The following PKIB variants were observed in gnomAD, a reference collection of about 807,000 sequenced individuals.
The protein encoded by PKIB is PKI-beta.
In PKIB, 2 loss-of-function variants were observed where a neutral mutation model predicts 4.5. The observed-to-expected ratio is 0.44, with a 90% CI of 0.18 to 1.39. PKIB has a LOEUF of 1.39. Ranked by LOEUF, PKIB falls within the 40% of genes most tolerant of loss-of-function variation. The pLI is 0.27. For synonymous variants in PKIB, 38 were observed against 36.0 expected (o/e 1.06, Z -0.20); for missense variants, 94 against 92.6 (o/e 1.02, Z -0.06).
At chr6:122,706,585 G>C (rs192349143) in intron 3 of PKIB, among the ~76,000 whole-genome samples, 114 of 152,260 alleles carry the variant, frequency 7.5e-4, no homozygotes, top group Admixed American at 2.5e-3. Context: ...ATGGGTTCCA[G>C]TCTTGTCTCT....
intron 2 of PKIB, among the ~76,000 whole-genome samples, chr6:122,511,364 A>G (rs1193160601): frequency 6.6e-6 from 1 of 152,210 alleles, no homozygotes; most frequent in Non-Finnish European, 1.5e-5. Context: ...GCAAGCTCAA[A>G]TATGTGGTGT....
At chr6:122,702,765 G>GA (rs1390643234) in intron 3 of PKIB, among the ~76,000 whole-genome samples, 3 of 152,138 alleles carry the variant, frequency 2.0e-5, no homozygotes, top group Non-Finnish European at 4.4e-5. Context: ...ATTTTTCGTA[G>GA]AGAATTTTTT....
intron 2 of PKIB, among the ~76,000 whole-genome samples, chr6:122,516,055 A>C (rs558528804): frequency 4.7e-4 from 72 of 152,174 alleles, no homozygotes; most frequent in Non-Finnish European, 6.9e-4. Flanking sequence ...ATTTGAAGTC[A>C]ATGTCAGCTA....
At chr6:122,544,560 C>T (rs764541728) in intron 2 of PKIB, among the ~76,000 whole-genome samples, 8 of 151,976 alleles carry the variant, frequency 5.3e-5, no homozygotes, top group South Asian at 2.1e-4. Flanking sequence ...GAGATTTGGG[C>T]GTGGATATTA....
At chr6:122,698,404 G>T (rs1174448396) in intron 3 of PKIB, among the ~76,000 whole-genome samples, 2 of 152,120 alleles carry the variant, frequency 1.3e-5, no homozygotes, top group Non-Finnish European at 2.9e-5. Context: ...GATTCATGGG[G>T]GTGCTGCTCC....
intron 2 of PKIB, among the ~76,000 whole-genome samples, chr6:122,554,953 C>A (rs556941175): frequency 1.3e-5 from 2 of 152,218 alleles, no homozygotes; most frequent in Non-Finnish European, 2.9e-5. Flanking sequence ...TAAGGGGGGA[C>A]AGATAGGGAG....
intron 3 of PKIB, among the ~76,000 whole-genome samples, chr6:122,586,741 C>T (rs185178909): frequency 2.8e-4 from 43 of 152,176 alleles, no homozygotes; most frequent in Admixed American, 1.1e-3. Flanking sequence ...TATGTTTAGG[C>T]AGACAACGGA....
chr6:122,504,068 T>A (rs1189779521), intron 2 of PKIB, among the ~76,000 whole-genome samples: 1 of 152,206 alleles, frequency 6.6e-6, no homozygotes, highest in Non-Finnish European at 1.5e-5. Flanking sequence ...TATATTCATA[T>A]GCATTTTTTT....
chr6:122,589,065 T>G (rs149102756), intron 3 of PKIB, among the ~76,000 whole-genome samples: 1 of 152,254 alleles, frequency 6.6e-6, no homozygotes, highest in Non-Finnish European at 1.5e-5. Context: ...AGCACAGGAA[T>G]ATCTCTTCAA....
chr6:122,663,200 A>G (rs963558219), intron 2 of PKIB, among the ~76,000 whole-genome samples: 1 of 152,204 alleles, frequency 6.6e-6, no homozygotes, highest in African/African-American at 2.4e-5. Context: ...CTCATTTCAA[A>G]CCATTTTAAT....
chr6:122,719,660 G>C (rs1018202185), intron 4 of PKIB, among the ~76,000 whole-genome samples: 1 of 151,232 alleles, frequency 6.6e-6, no homozygotes, highest in Admixed American at 6.6e-5. Flanking sequence ...TAATAACAAT[G>C]TATTGTATAC....
At position 122,725,517 on chromosome 6, in the gene PKIB, T is replaced by C; in HGVS notation, c.*322T>C. 9.4e-6 allele frequency: 2 copies of C among 211,796 alleles called. No individual in the cohort carries two copies. Among genetic ancestry groups the C allele is most frequent in the Non-Finnish European group, 9.3e-6 (1 of 106,994 alleles). The allele number at this position is 211,796 out of a possible 1,614,324, so 13.1% of individuals were successfully genotyped here. On this transcript the variant is annotated 3_prime_UTR_variant, in exon 5 of 5. Coordinates refer to ENST00000368452, the MANE Select transcript of PKIB (RefSeq NM_181795.3). ...TTTTGGATTTATTTAGCCTGATGTATTTTTAATTCAATTTTTATGGTGATG... is the reference window on the plus strand; with the variant it reads ...TTTTGGATTTATTTAGCCTGATGTACTTTTAATTCAATTTTTATGGTGATG...
chr6:122,622,239 A>T (rs1562273814), intron 1 of PKIB, among the ~76,000 whole-genome samples: 1 of 152,184 alleles, frequency 6.6e-6, no homozygotes, highest in Non-Finnish European at 1.5e-5. Flanking sequence ...AACTCGGTAA[A>T]TAGCAAAATT....
At chr6:122,621,243 A>G (rs1396224092) in intron 1 of PKIB, among the ~76,000 whole-genome samples, 1 of 152,168 alleles carries the variant, frequency 6.6e-6, no homozygotes, top group Non-Finnish European at 1.5e-5. Flanking sequence ...GAGATTAGAA[A>G]CAGAGAGATG....
chr6:122,523,575 G>A (rs531208582), intron 2 of PKIB, among the ~76,000 whole-genome samples: 3 of 152,218 alleles, frequency 2.0e-5, no homozygotes, highest in African/African-American at 7.2e-5. Context: ...CTGAGGTCAG[G>A]AATTCAAGAC....
At chr6:122,714,410 T>G (rs556042657) in intron 3 of PKIB, among the ~76,000 whole-genome samples, 1 of 152,194 alleles carries the variant, frequency 6.6e-6, no homozygotes. Context: ...TAGTAGTTAA[T>G]GAATATAATT....
chr6:122,504,774 T>C (rs1208596545), intron 2 of PKIB, among the ~76,000 whole-genome samples: 1 of 152,224 alleles, frequency 6.6e-6, no homozygotes, highest in South Asian at 2.1e-4. Flanking sequence ...TTTGCATAAC[T>C]GTAGTACATA....
chr6:122,650,716 G>A (rs6941171), intron 2 of PKIB, among the ~76,000 whole-genome samples: 38,450 of 152,000 alleles, frequency 0.25, 5,369 homozygotes, highest in East Asian at 0.37. Flanking sequence ...CTCTTTAAGG[G>A]TGCTGGGGCC....
At chr6:122,506,610 T>G (rs888553069) in intron 2 of PKIB, among the ~76,000 whole-genome samples, 1 of 152,098 alleles carries the variant, frequency 6.6e-6, no homozygotes, top group Non-Finnish European at 1.5e-5. Context: ...ATTGGTACAA[T>G]TAACTGTAAA....
Sources: allele counts gnomAD v4.1 joint callset (sites outside exome capture counted in the v4.1 genomes callset), GRCh38; gene constraint gnomAD v4.1.1; transcripts MANE v1.5; gene names NCBI Gene and HGNC (gene_info 2026-07-23, HGNC 2026-07-21).